UPF2: variants seen among roughly 807,000 people sequenced by gnomAD.
UPF2 encodes the protein regulator of nonsense transcripts 2.
Under a neutral mutation model 141.4 loss-of-function variants are expected in UPF2, and 17 were observed. That is an observed-to-expected ratio of 0.12 (90% CI 0.08 to 0.18). The LOEUF is 0.18. Ranked by LOEUF, UPF2 falls within the 10% of genes least tolerant of loss-of-function variation. The probability of loss-of-function intolerance (pLI) is 1.00; values close to 1 mark genes in which losing one functional copy is unlikely to be tolerated. For synonymous variants in UPF2, 540 were observed against 498.0 expected (o/e 1.08, Z -1.12); for missense variants, 1,152 against 1,515.9 (o/e 0.76, Z 3.99).
intron 3 of UPF2, among the ~76,000 whole-genome samples, chr10:12,022,765 AG>A (rs1160325708): frequency 6.6e-6 from 1 of 152,236 alleles, no homozygotes; most frequent in Non-Finnish European, 1.5e-5. Context: ...TGAAAGTAAA[AG>A]CAGTACCATT....
intron 9 of UPF2, among the ~76,000 whole-genome samples, chr10:11,976,137 C>A (rs1180534856): frequency 1.3e-5 from 2 of 152,190 alleles, no homozygotes; most frequent in African/African-American, 4.8e-5. Flanking sequence ...TTAGCAAACC[C>A]ATTGTTTCAA....
At chr10:11,997,844 G>T in intron 7 of UPF2, 87 bp from the exon 8 acceptor site, 2 of 1,282,598 alleles carry the variant, frequency 1.6e-6, no homozygotes, top group South Asian at 1.3e-5. Flanking sequence ...ATTTTTATTT[G>T]TTCTTAAACA....
Position 11,981,080 on chromosome 10 carries a change from T to G in UPF2, c.1845-1915A>C, listed in dbSNP as rs1234367861. On this transcript the variant is annotated intron_variant, in intron 8 of 21. Coordinates refer to ENST00000357604, the MANE Select transcript of UPF2 (RefSeq NM_015542.4). ...GGCACCTGCCTGTAATCCCAGCTAC[T>G]CGGGCCTGGGAGGTGGAGGTTGCAG... Among the ~76,000 whole-genome samples, 6 of 152,054 alleles carry G rather than the reference T, an allele frequency of 3.9e-5. No individual in the cohort carries two copies. In the East Asian group the frequency reaches 1.2e-3, roughly 29 times the overall value.
chr10:11,992,018 C>T lies in UPF2; in HGVS notation c.1844+5654G>A, dbSNP rs1374978712. Among the ~76,000 whole-genome samples the T allele has an allele frequency of 3.4e-5, 5 of 148,464 alleles. No individual in the cohort carries two copies. Among genetic ancestry groups the T allele is most frequent in the Admixed American group, 6.7e-5 (1 of 14,946 alleles). On this transcript the variant is annotated intron_variant, in intron 8 of 21. Coordinates refer to ENST00000357604, the MANE Select transcript of UPF2 (RefSeq NM_015542.4). This position sits in a 1 kb window ranked among gnomAD's most constrained non-coding sequence, Gnocchi z 4.1. ...AAAATTAGCTGGGCGTGGTGGCGGGCGCCTGTAATCCCAGCTACTCAGGAG... is the reference window on the plus strand; with the variant it reads ...AAAATTAGCTGGGCGTGGTGGCGGGTGCCTGTAATCCCAGCTACTCAGGAG...
rs182659887 is a variant in UPF2 at position 11,936,603 on chromosome 10, G to A, written c.3488C>T (p.Ala1163Val). ...GPPLGGGEGEAESADTMPFVM... is the reference protein window; with the variant it reads ...GPPLGGGEGEVESADTMPFVM... ...AAACGGCATTGTGTCTGCAGACTCA[G>A]CCTCTCCTTCCCCACCTCCCAGTGG... The change falls in exon 19 of 22, where the codon GCT becomes GTT. Residue 1163 changes from alanine to valine, a missense_variant. By Grantham distance (64) the Ala-to-Val change is moderately conservative (BLOSUM62 0). Coordinates refer to ENST00000357604, the MANE Select transcript of UPF2 (RefSeq NM_015542.4). This position sits in a 1 kb window ranked among gnomAD's most constrained non-coding sequence, Gnocchi z 6.6. 49 of 1,612,928 alleles carry A rather than the reference G, an allele frequency of 3.0e-5. No homozygotes were observed. In the East Asian group the frequency reaches 1.0e-3, roughly 34 times the overall value.
chr10:11,939,517 C>CTTTTT lies in UPF2; in HGVS notation c.3379-2810_3379-2806dup, dbSNP rs34766091. Among the ~76,000 whole-genome samples the CTTTTT allele has an allele frequency of 6.8e-6, 1 of 146,462 alleles. No homozygotes were observed. Among genetic ancestry groups the CTTTTT allele is most frequent in the Non-Finnish European group, 1.5e-5 (1 of 66,470 alleles). On this transcript the variant is annotated intron_variant, in intron 18 of 21. Coordinates refer to ENST00000357604, the MANE Select transcript of UPF2 (RefSeq NM_015542.4). The surrounding 1 kb of genome is among the most constrained non-coding windows in gnomAD (Gnocchi z 4.8). ...TTATTGTCAGTTTAAAATGTTTTATCTTTTTTTTTTTTTAAGACGAAGTCT... is the reference window on the plus strand; with the variant it reads ...TTATTGTCAGTTTAAAATGTTTTATCTTTTTTTTTTTTTTTTTTAAGACGAAGTCT...
rs1833102111 is a variant in UPF2 at position 11,953,360 on chromosome 10, G to C, written c.2851-1111C>G. Among the ~76,000 whole-genome samples, 1 of 152,114 alleles carries C rather than the reference G, an allele frequency of 6.6e-6. No individual in the cohort carries two copies. The highest frequency in any genetic ancestry group is 6.5e-5 in the Admixed American group (1 of 15,268). On this transcript the variant is annotated intron_variant, in intron 14 of 21. Coordinates refer to ENST00000357604, the MANE Select transcript of UPF2 (RefSeq NM_015542.4). This position sits in a 1 kb window ranked among gnomAD's most constrained non-coding sequence, Gnocchi z 5.0. ...AGTCCCCAGGGGACATGGATGCACA[G>C]GAAAGTTTAAAAGCACTGCTCCAGG... is the stretch of plus-strand genomic sequence containing the variant.
At chr10:11,968,613 C>G (rs1375425113) in intron 9 of UPF2, among the ~76,000 whole-genome samples, 1 of 152,084 alleles carries the variant, frequency 6.6e-6, no homozygotes, top group Admixed American at 6.5e-5. Flanking sequence ...TTTTTATCAC[C>G]AGTCATGGTT....
Position 11,946,288 on chromosome 10 carries a change from T to C in UPF2, c.3174+2081A>G, listed in dbSNP as rs141745710. Among the ~76,000 whole-genome samples, 165 of 152,356 alleles carry C rather than the reference T, an allele frequency of 1.1e-3. 1 individual carries two copies. The East Asian group carries it at 0.026, about 24-fold the overall frequency. Reference sequence around the variant, plus strand: ...TAGGGCTAAAGGAAACACAGCCTTATGGATTTTTACATCTGACCGTAGAAA... The same window carrying C: ...TAGGGCTAAAGGAAACACAGCCTTACGGATTTTTACATCTGACCGTAGAAA... On this transcript the variant is annotated intron_variant, in intron 16 of 21. Transcript: ENST00000357604.
At chr10:12,028,599 C>T (rs1394214923) in intron 3 of UPF2, 146 bp downstream of exon 3, 1 of 772,734 alleles carries the variant, frequency 1.3e-6, no homozygotes, top group Non-Finnish European at 2.0e-6. Flanking sequence ...TCAGACTGTT[C>T]TACTTTGAAA....
chr10:11,992,614 T>C lies in UPF2; in HGVS notation c.1844+5058A>G, dbSNP rs1220058724. 1.3e-5 allele frequency among the ~76,000 whole-genome samples: 2 copies of C among 151,968 alleles called. No homozygotes were observed. The highest frequency in any genetic ancestry group is 4.8e-5 in the African/African-American group (2 of 41,372). Reference sequence around the variant, plus strand: ...TTAAAAAATATAAAAGACCACATAATGAAAGACTTTTAGGAATTAAACCAA... The same window carrying C: ...TTAAAAAATATAAAAGACCACATAACGAAAGACTTTTAGGAATTAAACCAA... On this transcript the variant is annotated intron_variant, in intron 8 of 21. Transcript: ENST00000357604. The surrounding 1 kb of genome is among the most constrained non-coding windows in gnomAD (Gnocchi z 4.1).
chr10:12,017,445 T>C (rs1834242574), intron 3 of UPF2, among the ~76,000 whole-genome samples: 1 of 152,298 alleles, frequency 6.6e-6, no homozygotes, highest in South Asian at 2.1e-4. Context: ...CACTTTCACG[T>C]GTGGATTTGC....
chr10:11,990,678 C>CAAAA (rs10650923), intron 8 of UPF2, among the ~76,000 whole-genome samples: 7 of 97,994 alleles, frequency 7.1e-5, no homozygotes, highest in Non-Finnish European at 1.4e-4. Context: ...GACTCTGTCT[C>CAAAA]AAAAAAAAAA....
intron 8 of UPF2, among the ~76,000 whole-genome samples, chr10:11,983,225 A>C (rs148412069): frequency 6.6e-6 from 1 of 152,340 alleles, no homozygotes; most frequent in East Asian, 1.9e-4. Context: ...ATCAAGCAAA[A>C]GCTAATTTAT....
At chr10:11,961,750 C>T (rs534924127) in intron 11 of UPF2, among the ~76,000 whole-genome samples, 5 of 152,240 alleles carry the variant, frequency 3.3e-5, no homozygotes, top group South Asian at 4.2e-4. Flanking sequence ...TCGTATTTAA[C>T]GCATGAATAA....
rs530441352 is a variant in UPF2 at position 12,024,775 on chromosome 10, A to T, written c.1145+3970T>A. Among the ~76,000 whole-genome samples, 15 of 151,864 alleles carry T rather than the reference A, an allele frequency of 9.9e-5. No individual in the cohort carries two copies. The South Asian group carries it at 1.5e-3, about 15-fold the overall frequency. ...TAGGGAGCTCCCTCTCTATAAAAAA[A>T]TTTAAAAAATAACCAGGCATGGTAG... On this transcript the variant is annotated intron_variant, in intron 3 of 21. Transcript: ENST00000357604.
Position 12,037,314 on chromosome 10 carries a change from T to G in UPF2, c.-18-1873A>C, listed in dbSNP as rs576882355. Among the ~76,000 whole-genome samples, 10 of 152,284 alleles carry G rather than the reference T, an allele frequency of 6.6e-5. No individual in the cohort carries two copies. The South Asian group carries it at 2.1e-3, about 32-fold the overall frequency. ...CTAGGCTGGTCTCGAAATCCTGAGT[T>G]TAAGTGATCCATCCACCTGGGCCTC... On this transcript the variant is annotated intron_variant, in intron 1 of 21. Transcript: ENST00000357604.
At chr10:11,942,843 A>T in intron 17 of UPF2, 80 bp from the exon 18 acceptor site, 1 of 1,267,974 alleles carries the variant, frequency 7.9e-7, no homozygotes, top group Non-Finnish European at 1.1e-6. Flanking sequence ...TAGTATTGAC[A>T]ACTTGTTTAA....
In UPF2 at chr10:11,921,707, G is replaced by A. The variant is rs958105083; in HGVS notation, c.3810-400C>T. Among the ~76,000 whole-genome samples the A allele has an allele frequency of 1.3e-5, 2 of 152,112 alleles. No individual in the cohort carries two copies. The highest frequency in any genetic ancestry group is 6.5e-5 in the Admixed American group (1 of 15,280). ...CAGGAAGCAACCCCCTGTGGATACC[G>A]AGGACAACTGTAGTGCTTTTTTGAG... On this transcript the variant is annotated intron_variant, in intron 21 of 21. Coordinates refer to ENST00000357604, the MANE Select transcript of UPF2 (RefSeq NM_015542.4). The surrounding 1 kb of genome is among the most constrained non-coding windows in gnomAD (Gnocchi z 5.9).
Sources: gnomAD v4.1 joint callset for allele counts (sites outside exome capture counted in the v4.1 genomes callset) on GRCh38, gnomAD v4.1.1 for gene constraint, Gnocchi (gnomAD v3.1) non-coding constraint, MANE v1.5 for transcripts, NCBI Gene and HGNC (gene_info 2026-07-23, HGNC 2026-07-21) for gene names.